The following PTPRE variants were observed in gnomAD, a reference collection of about 807,000 sequenced individuals.
The protein encoded by PTPRE is protein tyrosine phosphatase receptor type E, also known as receptor-type tyrosine-protein phosphatase epsilon.
A neutral mutation model predicts 102.0 loss-of-function variants in PTPRE; 51 were observed. The observed-to-expected ratio is 0.50, with a 90% confidence interval of 0.40 to 0.63. The LOEUF (loss-of-function observed/expected upper bound fraction) is 0.63, where lower values mean the gene tolerates loss of function less well. PTPRE is among the 30% of genes least tolerant of loss of function. The pLI, the probability that PTPRE is intolerant of heterozygous loss-of-function variation, is 0.00. For synonymous variants in PTPRE, 345 were observed against 348.2 expected (o/e 0.99, Z 0.10); for missense variants, 752 against 915.1 (o/e 0.82, Z 2.30).
At chr10:127,959,071 T>C (rs947360099) in intron 1 of PTPRE, among the ~76,000 whole-genome samples, 4 of 152,200 alleles carry the variant, frequency 2.6e-5, no homozygotes, top group Admixed American at 6.5e-5. Context: ...TAATTTCGTA[T>C]TTTTAGTAGA....
intron 1 of PTPRE, among the ~76,000 whole-genome samples, chr10:127,914,703 C>A (rs899241946): frequency 2.0e-5 from 3 of 152,214 alleles, no homozygotes; most frequent in African/African-American, 7.2e-5. Flanking sequence ...TCCTTCCTCT[C>A]TTCAGGGCGC....
intron 1 of PTPRE, among the ~76,000 whole-genome samples, chr10:127,981,476 G>A (rs1331524793): frequency 6.6e-6 from 1 of 151,726 alleles, no homozygotes; most frequent in Non-Finnish European, 1.5e-5. Flanking sequence ...TGAAAATTAT[G>A]TCTCAATAAA....
intron 2 of PTPRE, among the ~76,000 whole-genome samples, chr10:127,993,072 T>C (rs1173860788): frequency 6.6e-6 from 1 of 152,180 alleles, no homozygotes; most frequent in South Asian, 2.1e-4. Context: ...AGGGTCCTGA[T>C]TGAAAATGAG....
chr10:127,983,986 C>A (rs926669318), intron 2 of PTPRE, among the ~76,000 whole-genome samples: 12 of 152,172 alleles, frequency 7.9e-5, no homozygotes, highest in Admixed American at 3.3e-4. Flanking sequence ...GTCCTCCCTG[C>A]ATCCACCACG....
intron 7 of PTPRE, among the ~76,000 whole-genome samples, chr10:128,056,438 C>G (rs2135910456): frequency 6.6e-6 from 1 of 152,330 alleles, no homozygotes; most frequent in East Asian, 1.9e-4. Flanking sequence ...GCTGCCAAGC[C>G]TATGCTTACT....
At chr10:127,909,513 C>T (rs903819238) in intron 1 of PTPRE, among the ~76,000 whole-genome samples, 6 of 152,132 alleles carry the variant, frequency 3.9e-5, no homozygotes, top group Non-Finnish European at 8.8e-5. Flanking sequence ...CCGCAGCTGC[C>T]CACTTGACAT....
At chr10:128,023,509 T>C (rs1018284955) in intron 2 of PTPRE, among the ~76,000 whole-genome samples, 2 of 152,196 alleles carry the variant, frequency 1.3e-5, no homozygotes, top group Non-Finnish European at 2.9e-5. Flanking sequence ...GACAGCATAT[T>C]GTTAGAATTG....
intron 2 of PTPRE, among the ~76,000 whole-genome samples, chr10:127,993,539 C>T (rs941474121): frequency 6.6e-6 from 1 of 152,006 alleles, no homozygotes; most frequent in Non-Finnish European, 1.5e-5. Flanking sequence ...CAGCATGCAT[C>T]GGGTCTCAGG....
intron 7 of PTPRE, among the ~76,000 whole-genome samples, chr10:128,060,152 C>A (rs1336977748): frequency 6.0e-5 from 9 of 149,044 alleles, no homozygotes; most frequent in African/African-American, 2.2e-4. Context: ...AGCATACACA[C>A]TACACACATG....
intron 2 of PTPRE, among the ~76,000 whole-genome samples, chr10:128,011,139 G>A (rs941718863): frequency 2.0e-5 from 3 of 152,166 alleles, no homozygotes; most frequent in African/African-American, 7.2e-5. Flanking sequence ...AATTCTCTCT[G>A]TCATTCTAGG....
At chr10:127,936,462 G>T (rs1847850775) in intron 1 of PTPRE, among the ~76,000 whole-genome samples, 1 of 152,202 alleles carries the variant, frequency 6.6e-6, no homozygotes, top group Non-Finnish European at 1.5e-5. Flanking sequence ...GTCTGGGCTT[G>T]CCTGGACCGC....
intron 1 of PTPRE, among the ~76,000 whole-genome samples, chr10:127,909,644 T>A (rs1335955980): frequency 6.6e-6 from 1 of 152,174 alleles, no homozygotes; most frequent in East Asian, 1.9e-4. Flanking sequence ...CCAGCCTCCA[T>A]GTTGCTTCTG....
In PTPRE at chr10:128,076,480, GTTT is replaced by G. The variant is rs3833746; in HGVS notation, c.1600-114_1600-112del. Reference sequence around the variant, plus strand: ...CAGGCATTTATATTCATATTCATATGTTTTTTTTTTTGGTCAGATGAAATACAT... The same window carrying G: ...CAGGCATTTATATTCATATTCATATGTTTTTTTTGGTCAGATGAAATACAT... On this transcript the variant is annotated intron_variant, in intron 17 of 20. Coordinates refer to ENST00000254667, the MANE Select transcript of PTPRE (RefSeq NM_006504.6). The G allele has an allele frequency of 5.0e-6, 4 of 797,920 alleles. 1 individual carries two copies. Among genetic ancestry groups the G allele is most frequent in the Non-Finnish European group, 7.2e-6 (4 of 553,114 alleles). 49.4% of individuals were successfully genotyped at this position (797,920 alleles called of 1,614,324 possible).
In PTPRE at chr10:128,053,438, G is replaced by A. The variant is rs75432535; in HGVS notation, c.421-2685G>A. On this transcript the variant is annotated intron_variant, in intron 6 of 20. Transcript: ENST00000254667. Reference sequence around the variant, plus strand: ...TCCAGGTGTGCAGACCCCTCCAGGTGCTCTCCTTTCCCCTGGGCCACCTGA... The same window carrying A: ...TCCAGGTGTGCAGACCCCTCCAGGTACTCTCCTTTCCCCTGGGCCACCTGA... Among the ~76,000 whole-genome samples the A allele has an allele frequency of 5.8e-3, 879 of 152,306 alleles. 64 individuals carry two copies. In the East Asian group the frequency reaches 0.14, roughly 25 times the overall value.
chr10:128,066,008 G>A (rs1465179741), intron 10 of PTPRE, 67 bp from the exon 11 acceptor site: 1 of 1,610,462 alleles, frequency 6.2e-7, no homozygotes, highest in Non-Finnish European at 8.5e-7. Context: ...TCTGTAGTTG[G>A]GTGGGGGGAT....
chr10:128,035,650 G>A (rs151047941), intron 2 of PTPRE, among the ~76,000 whole-genome samples: 6 of 152,294 alleles, frequency 3.9e-5, no homozygotes, highest in Non-Finnish European at 7.4e-5. Flanking sequence ...TGATGGGTTC[G>A]GGCTGCAGAG....
At chr10:128,059,547 G>A (rs1213333423) in intron 7 of PTPRE, among the ~76,000 whole-genome samples, 3 of 152,190 alleles carry the variant, frequency 2.0e-5, no homozygotes, top group Admixed American at 6.5e-5. Flanking sequence ...AGAGAAAGCA[G>A]GGAGAGGACC....
At chr10:127,986,456 A>C (rs1852097236) in intron 2 of PTPRE, among the ~76,000 whole-genome samples, 1 of 152,266 alleles carries the variant, frequency 6.6e-6, no homozygotes, top group African/African-American at 2.4e-5. Context: ...GTAAAATTAA[A>C]TGATTCTGTA....
At chr10:127,916,617 G>T (rs1391657622) in intron 1 of PTPRE, among the ~76,000 whole-genome samples, 4 of 152,180 alleles carry the variant, frequency 2.6e-5, no homozygotes, top group Non-Finnish European at 4.4e-5. Flanking sequence ...GGGCTACCAT[G>T]TGCTTGCCTG....
Sources: allele counts gnomAD v4.1 joint callset (sites outside exome capture counted in the v4.1 genomes callset), GRCh38; gene constraint gnomAD v4.1.1; transcripts MANE v1.5; gene names NCBI Gene and HGNC (gene_info 2026-07-23, HGNC 2026-07-21).